WNT7A: variants seen among roughly 807,000 people sequenced by gnomAD.
WNT7A encodes Wnt family member 7A, also known as protein Wnt-7a.
WNT7A carries 16 observed loss-of-function variants against 28.2 expected under a neutral mutation model. The ratio of observed to expected loss-of-function variants is 0.57; its 90% CI spans 0.38 to 0.86. The LOEUF (loss-of-function observed/expected upper bound fraction) is 0.86, where lower values mean the gene tolerates loss of function less well. WNT7A is among the 40% of genes least tolerant of loss of function. The pLI, the probability that WNT7A is intolerant of heterozygous loss-of-function variation, is 0.00. For synonymous variants in WNT7A, 190 were observed against 195.9 expected, an observed-to-expected ratio of 0.97 and a Z score of 0.25; for missense variants, 411 against 489.7, an observed-to-expected ratio of 0.84 and a Z score of 1.52.
At chr3:13,849,532 G>A (rs191161311) in intron 3 of WNT7A, among the ~76,000 whole-genome samples, 277 of 152,224 alleles carry the variant, frequency 1.8e-3, no homozygotes, top group African/African-American at 6.3e-3. Context: ...CTTACGATGC[G>A]CCAGGCACTG....
At chr3:13,822,617 T>C (rs901782001) in intron 3 of WNT7A, among the ~76,000 whole-genome samples, 7 of 152,182 alleles carry the variant, frequency 4.6e-5, no homozygotes, top group African/African-American at 1.7e-4. Flanking sequence ...GTGATGAAAA[T>C]AATGTAAAAT....
At chr3:13,877,727 G>T (rs906014842) in intron 1 of WNT7A, among the ~76,000 whole-genome samples, 1 of 152,212 alleles carries the variant, frequency 6.6e-6, no homozygotes, top group Non-Finnish European at 1.5e-5. Flanking sequence ...AATCAAATGT[G>T]CTAGAACATG....
At chr3:13,861,968 C>A (rs1409334512) in intron 2 of WNT7A, among the ~76,000 whole-genome samples, 1 of 152,214 alleles carries the variant, frequency 6.6e-6, no homozygotes, top group Admixed American at 6.5e-5. Context: ...GAGACCTTCC[C>A]TCCTGTGATA....
Position 13,879,518 on chromosome 3 carries a change from G to A in WNT7A, c.71+228C>T, listed in dbSNP as rs575292662. Among the ~76,000 whole-genome samples, 6 of 152,294 alleles carry A rather than the reference G, an allele frequency of 3.9e-5. No individual in the cohort carries two copies. In the South Asian group the frequency reaches 8.3e-4, roughly 21 times the overall value. ...CCCTACCGGCTGTCTCTGGTCCTGG[G>A]GGATTCCAGACTCAGACGTCCTCAG... On this transcript the variant is annotated intron_variant, in intron 1 of 3. Coordinates refer to ENST00000285018, the MANE Select transcript of WNT7A (RefSeq NM_004625.4).
At chr3:13,827,386 C>T (rs992607884) in intron 3 of WNT7A, among the ~76,000 whole-genome samples, 1 of 152,178 alleles carries the variant, frequency 6.6e-6, no homozygotes, top group African/African-American at 2.4e-5. Flanking sequence ...GGATTTTCTG[C>T]ACCACTGGAG....
rs138440969 is a variant in WNT7A, at chr3:13,819,367, G to A, written c.627C>T (p.Cys209=). 2.0e-5 allele frequency: 33 copies of A among 1,613,272 alleles called. No homozygotes were observed. Among genetic ancestry groups the A allele is most frequent in the African/African-American group, 2.7e-5 (2 of 74,928 alleles). Residue 209 remains cysteine, a synonymous_variant, in exon 4 of 4, where the codon TGC becomes TGT. Transcript: ENST00000285018. ...ECKCHGVSGS[C]TTKTCWTTLP... ...GTGTGGTCCAGCACGTCTTGGTGGT[G>A]CACGAGCCTGACACGCCGTGGCACT...
At chr3:13,849,955 G>A (rs2124853450) in intron 3 of WNT7A, among the ~76,000 whole-genome samples, 1 of 152,306 alleles carries the variant, frequency 6.6e-6, no homozygotes, top group African/African-American at 2.4e-5. Context: ...AGAACCCCAT[G>A]TCATTCCCCA....
intron 2 of WNT7A, among the ~76,000 whole-genome samples, chr3:13,862,283 C>T (rs751369410): frequency 6.6e-6 from 1 of 152,204 alleles, no homozygotes; most frequent in Non-Finnish European, 1.5e-5. Context: ...CATAACGATC[C>T]CAGCGGGTAC....
intron 2 of WNT7A, among the ~76,000 whole-genome samples, chr3:13,863,081 G>A (rs1694855859): frequency 6.6e-6 from 1 of 152,156 alleles, no homozygotes; most frequent in South Asian, 2.1e-4. Flanking sequence ...CTACCTCCCA[G>A]GGTTGTTGGG....
intron 3 of WNT7A, among the ~76,000 whole-genome samples, chr3:13,842,614 T>G (rs1324067069): frequency 6.6e-6 from 1 of 152,098 alleles, no homozygotes; most frequent in African/African-American, 2.4e-5. Context: ...ATGTTGGATG[T>G]GGGGTGTGAA....
chr3:13,870,544 A>C (rs1379847610), intron 2 of WNT7A, among the ~76,000 whole-genome samples: 2 of 152,152 alleles, frequency 1.3e-5, no homozygotes, highest in Non-Finnish European at 2.9e-5. Context: ...CCCCTGAGAG[A>C]TGGTCTGGGT....
chr3:13,863,031 G>A (rs1694855042), intron 2 of WNT7A, among the ~76,000 whole-genome samples: 1 of 152,142 alleles, frequency 6.6e-6, no homozygotes, highest in African/African-American at 2.4e-5. Flanking sequence ...ACCTCTCAAG[G>A]CCTCAGTTTC....
chr3:13,877,982 C>G (rs1695135013), intron 1 of WNT7A, among the ~76,000 whole-genome samples: 1 of 152,236 alleles, frequency 6.6e-6, no homozygotes, highest in South Asian at 2.1e-4. Flanking sequence ...CTCATGTCCA[C>G]TATACAGATG....
chr3:13,840,627 T>C (rs904654800), intron 3 of WNT7A, among the ~76,000 whole-genome samples: 22 of 151,524 alleles, frequency 1.5e-4, no homozygotes, highest in South Asian at 2.1e-4. Flanking sequence ...CATCCATCCA[T>C]CCACCCATTC....
At chr3:13,851,141 G>C (rs1449632008) in intron 3 of WNT7A, among the ~76,000 whole-genome samples, 2 of 152,190 alleles carry the variant, frequency 1.3e-5, no homozygotes, top group Admixed American at 1.3e-4. Flanking sequence ...CTCCTGCTGG[G>C]TTTAGGCACC....
chr3:13,841,752 C>A (rs903433637), intron 3 of WNT7A, among the ~76,000 whole-genome samples: 1 of 152,188 alleles, frequency 6.6e-6, no homozygotes, highest in Non-Finnish European at 1.5e-5. Flanking sequence ...CTTTTCCCAG[C>A]CACACTGGGA....
intron 3 of WNT7A, among the ~76,000 whole-genome samples, chr3:13,846,883 C>T (rs1395546005): frequency 1.3e-5 from 2 of 152,182 alleles, no homozygotes; most frequent in African/African-American, 4.8e-5. Context: ...CGGCTGCCCA[C>T]GTCCATCCAG....
At chr3:13,869,659 G>GAA (rs1191806150) in intron 2 of WNT7A, among the ~76,000 whole-genome samples, 4 of 143,012 alleles carry the variant, frequency 2.8e-5, no homozygotes, top group South Asian at 2.6e-4. Context: ...TAGAAAGAAA[G>GAA]AGGGAAGGAG....
chr3:13,834,220 G>GT (rs148005313), intron 3 of WNT7A, among the ~76,000 whole-genome samples: 14 of 151,740 alleles, frequency 9.2e-5, no homozygotes, highest in East Asian at 1.9e-4. Flanking sequence ...TGGCACCATG[G>GT]TTTTTTTTTA....
Sources: allele counts gnomAD v4.1 joint callset (sites outside exome capture counted in the v4.1 genomes callset), GRCh38; gene constraint gnomAD v4.1.1; transcripts MANE v1.5; gene names NCBI Gene and HGNC (gene_info 2026-07-23, HGNC 2026-07-21).